Variants in SLC6A9 observed in about 807,000 individuals in gnomAD.
SLC6A9 encodes solute carrier family 6 member 9, also known as sodium- and chloride-dependent glycine transporter 1.
Under a neutral mutation model 70.9 loss-of-function variants are expected in SLC6A9, and 31 were observed. The observed-to-expected ratio is 0.44, with a 90% CI of 0.33 to 0.59. The LOEUF (loss-of-function observed/expected upper bound fraction) is 0.59, where lower values mean the gene tolerates loss of function less well. Among genes scored for constraint, SLC6A9 ranks in the 20% least tolerant of loss-of-function variants. The pLI is 0.04. For synonymous variants in SLC6A9, 310 were observed against 341.3 expected, an observed-to-expected ratio of 0.91 and a Z score of 1.01; for missense variants, 631 against 845.2, an observed-to-expected ratio of 0.75 and a Z score of 3.14.
In SLC6A9 at chr1:43,997,404, C is replaced by T; in HGVS notation, c.*141G>A. The T allele has an allele frequency of 1.4e-6, 1 of 718,274 alleles. No individual in the cohort carries two copies. The highest frequency in any genetic ancestry group is 1.6e-5 in the South Asian group (1 of 60,924). The allele number at this position is 718,274 out of a possible 1,614,324, so 44.5% of individuals were successfully genotyped here. A position where few individuals can be genotyped will look rare whatever the true frequency, so the allele number is the denominator to read the frequency against. On this transcript the variant is annotated 3_prime_UTR_variant, in exon 14 of 14. Transcript: ENST00000372310. This position sits in a 1 kb window ranked among gnomAD's most constrained non-coding sequence, Gnocchi z 4.4. The stretch of plus-strand genomic sequence containing the variant: ...GGGGACATGAGCATGAATGACTGCA[C>T]TAGCAGTGGTGACCAAGGTGACAGC...
chr1:44,011,797 G>A, intron 2 of SLC6A9: 20 of 1,460,428 alleles, frequency 1.4e-5, no homozygotes, highest in Non-Finnish European at 1.9e-5. Flanking sequence ...GGGGCCTGCA[G>A]GACTGAGCTG....
intron 1 of SLC6A9, among the ~76,000 whole-genome samples, chr1:44,028,107 G>A (rs2087015532): frequency 6.6e-6 from 1 of 152,222 alleles, no homozygotes; most frequent in African/African-American, 2.4e-5. Flanking sequence ...ATGAAGTGAT[G>A]TTTAAGGGTC....
At chr1:44,028,369 G>C (rs1375040721) in intron 1 of SLC6A9, among the ~76,000 whole-genome samples, 1 of 152,230 alleles carries the variant, frequency 6.6e-6, no homozygotes, top group East Asian at 1.9e-4. Context: ...GGAGCCATTG[G>C]TGGAATGTGC....
rs762502609 is a variant in SLC6A9, at chr1:44,000,797, G to GA, written c.1505_1506insT (p.Trp503LeufsTer100). On this transcript the variant is annotated frameshift_variant, in exon 12 of 14. Coordinates refer to ENST00000372310, the MANE Select transcript of SLC6A9 (RefSeq NM_001024845.3). LOFTEE classifies it high-confidence loss of function. ...TGATGGCGGGAGAGACGAAGCGCCA[G>GA]CAGATCTGAAAGAAGAGGGGTGGTG... 2 of 1,611,474 alleles carry GA rather than the reference G, an allele frequency of 1.2e-6. No individual in the cohort carries two copies. Among genetic ancestry groups the GA allele is most frequent in the Admixed American group, 3.4e-5 (2 of 59,534 alleles).
intron 5 of SLC6A9, 121 bp from the exon 6 acceptor site, chr1:44,003,106 T>A (rs2086182360): frequency 8.4e-7 from 1 of 1,194,298 alleles, no homozygotes; most frequent in Non-Finnish European, 1.2e-6. Flanking sequence ...AGCCACCTTG[T>A]GTGACATGGG....
Position 44,002,593 on chromosome 1 carries a change from G to A in SLC6A9, c.777C>T (p.Val259=), listed in dbSNP as rs759477813. The A allele has an allele frequency of 1.2e-6, 2 of 1,614,100 alleles. No homozygotes were observed. The highest frequency in any genetic ancestry group is 1.3e-5 in the African/African-American group (1 of 75,024). Residue 259 remains valine (V), a synonymous_variant, in exon 7 of 14, where the codon GTC becomes GTT. Coordinates refer to ENST00000372310, the MANE Select transcript of SLC6A9 (RefSeq NM_001024845.3). This position sits in a 1 kb window ranked among gnomAD's most constrained non-coding sequence, Gnocchi z 5.5. ...AGGCTCCCTCCAGGGTCACTCCGCG[G>A]ACAAACAGAATGGTCAGCACCACGT... The part of the protein sequence containing the change: ...FPYVVLTILF[V]RGVTLEGAFD...
In SLC6A9 at chr1:44,001,299, C is replaced by A; in HGVS notation, c.1201-1G>T. Reference sequence around the variant, plus strand: ...TGACCAGCGTCTCCAGGAGGCAGAACTGCAGGATGTGGCTGTCAGATCGGA... The same window carrying A: ...TGACCAGCGTCTCCAGGAGGCAGAAATGCAGGATGTGGCTGTCAGATCGGA... On this transcript the variant is annotated splice_acceptor_variant, in intron 9 of 13. Coordinates refer to ENST00000372310, the MANE Select transcript of SLC6A9 (RefSeq NM_001024845.3). LOFTEE classifies it high-confidence loss of function. The A allele has an allele frequency of 6.2e-7, 1 of 1,614,250 alleles. No individual in the cohort carries two copies. The highest frequency in any genetic ancestry group is 8.5e-7 in the Non-Finnish European group (1 of 1,180,042).
At chr1:44,003,092 C>T in intron 5 of SLC6A9, 107 bp from the exon 6 acceptor site, 1 of 1,315,564 alleles carries the variant, frequency 7.6e-7, no homozygotes, top group African/African-American at 1.5e-5. Context: ...CATGAGGTCC[C>T]AGCAGCCACC....
chr1:44,008,020 C>T (rs945531723), intron 5 of SLC6A9, among the ~76,000 whole-genome samples: 9 of 152,012 alleles, frequency 5.9e-5, no homozygotes, highest in Admixed American at 2.0e-4. Context: ...CCACCACGCC[C>T]GGCTAATTCT....
Position 44,001,506 on chromosome 1 carries a change from G to C in SLC6A9, c.1084C>G (p.His362Asp). 1 of 1,614,228 alleles carries C rather than the reference G, an allele frequency of 6.2e-7. No homozygotes were observed. Among genetic ancestry groups the C allele is most frequent in the Non-Finnish European group, 8.5e-7 (1 of 1,180,028 alleles). Residue 362 changes from histidine (H) to aspartate (D), a missense_variant, in exon 9 of 14, where the codon CAC becomes GAC. Coordinates refer to ENST00000372310, the MANE Select transcript of SLC6A9 (RefSeq NM_001024845.3). Reference sequence around the variant, plus strand: ...GCCACGAAGGCCAGGCCAGGGCCGTGGTCTGCCACACGGGACACATCCACG... The same window carrying C: ...GCCACGAAGGCCAGGCCAGGGCCGTCGTCTGCCACACGGGACACATCCACG... ...LGVDVSRVAD[H>D]GPGLAFVAYP...
chr1:44,022,890 G>C (rs2086913934), intron 2 of SLC6A9, among the ~76,000 whole-genome samples: 1 of 151,770 alleles, frequency 6.6e-6, no homozygotes, highest in African/African-American at 2.4e-5. Context: ...ATTTTTAGTA[G>C]AGACAAGGTT....
intron 1 of SLC6A9, among the ~76,000 whole-genome samples, chr1:44,026,902 C>T (rs1363381068): frequency 6.6e-6 from 1 of 152,196 alleles, no homozygotes; most frequent in Non-Finnish European, 1.5e-5. Flanking sequence ...GACCCTACAT[C>T]TCTGACTCTG....
intron 5 of SLC6A9, among the ~76,000 whole-genome samples, chr1:44,006,075 G>T (rs1410235658): frequency 1.3e-5 from 2 of 152,228 alleles, no homozygotes; most frequent in African/African-American, 2.4e-5. Flanking sequence ...GCATCTGGGG[G>T]TGGGGTTGCA....
chr1:44,010,551 C>T, intron 3 of SLC6A9, 175 bp downstream of exon 3: 1 of 514,872 alleles, frequency 1.9e-6, no homozygotes, highest in Non-Finnish European at 3.5e-6. Flanking sequence ...CTGCCAGGGT[C>T]TGGGGTGGCC....
In SLC6A9 at chr1:44,013,323, C is replaced by T. The variant is rs58847148; in HGVS notation, c.31-2441G>A. On this transcript the variant is annotated intron_variant, in intron 2 of 13. Transcript: ENST00000372310. The surrounding 1 kb of genome is among the most constrained non-coding windows in gnomAD (Gnocchi z 5.3). The stretch of plus-strand genomic sequence containing the variant: ...TTTGGATCCCTGAAGTCTGCTCCTT[C>T]CCTGGCAGGGGGAGGTACGGGGAAG... 0.046 allele frequency among the ~76,000 whole-genome samples: 6,959 copies of T among 152,292 alleles called. 529 individuals are homozygous for T. Among genetic ancestry groups the T allele is most frequent in the African/African-American group, 0.16 (6,625 of 41,534 alleles).
chr1:44,020,807 G>A (rs1051936542), intron 2 of SLC6A9, among the ~76,000 whole-genome samples: 18 of 152,198 alleles, frequency 1.2e-4, no homozygotes, highest in African/African-American at 3.1e-4. Context: ...ATGAGAACGC[G>A]TCAGGGTGGG....
At chr1:44,020,254 C>T (rs115927092) in intron 2 of SLC6A9, among the ~76,000 whole-genome samples, 1,755 of 152,282 alleles carry the variant, frequency 0.012, 34 homozygotes, top group African/African-American at 0.041. Context: ...GCAGAGTGCC[C>T]ACCGTGTGCC....
rs145534826 is a variant in SLC6A9, at chr1:44,010,942, C to T, written c.31-60G>A. The T allele has an allele frequency of 2.3e-3, 3,608 of 1,569,016 alleles. 8 individuals are homozygous for T. Among genetic ancestry groups the T allele is most frequent in the Middle Eastern group, 6.5e-3 (38 of 5,884 alleles). On this transcript the variant is annotated intron_variant, in intron 2 of 13. Transcript: ENST00000372310. ...GCATTTGTGCTCCATGCCTGACCCTCTGGGCCTCCCCCAGCAGGGAAACCG... is the reference window on the plus strand; with the variant it reads ...GCATTTGTGCTCCATGCCTGACCCTTTGGGCCTCCCCCAGCAGGGAAACCG...
chr1:44,003,736 A>G (rs2086207959), intron 5 of SLC6A9, among the ~76,000 whole-genome samples: 1 of 147,892 alleles, frequency 6.8e-6, no homozygotes, highest in Non-Finnish European at 1.5e-5. Context: ...CAACAAAGCA[A>G]AAGTCCAATC....
Sources: allele counts gnomAD v4.1 joint callset (sites outside exome capture counted in the v4.1 genomes callset), GRCh38; gene constraint gnomAD v4.1.1; non-coding constraint Gnocchi (gnomAD v3.1); transcripts MANE v1.5; gene names NCBI Gene and HGNC (gene_info 2026-07-23, HGNC 2026-07-21).